The following KDM5B variants were observed in gnomAD, a reference collection of about 807,000 sequenced individuals.
KDM5B encodes the protein lysine-specific demethylase 5B.
Under a neutral mutation model 193.4 loss-of-function variants are expected in KDM5B, and 144 were observed. That is an observed-to-expected ratio of 0.74 (90% confidence interval 0.65 to 0.86). The LOEUF is 0.86. KDM5B is among the 40% of genes least tolerant of loss of function. The probability of loss-of-function intolerance (pLI) is 0.00; values close to 1 mark genes in which losing one functional copy is unlikely to be tolerated. For synonymous variants in KDM5B, 668 were observed against 682.6 expected, an observed-to-expected ratio of 0.98 and a Z score of 0.33; for missense variants, 1,833 against 1,886.9, an observed-to-expected ratio of 0.97 and a Z score of 0.53.
rs1206836359 is a variant in KDM5B at position 202,726,107 on chromosome 1, AC to A, written c.*2928del. The A allele has an allele frequency of 2.0e-5, 3 of 152,212 alleles. No individual in the cohort carries two copies. The highest frequency in any genetic ancestry group is 7.2e-5 in the African/African-American group (3 of 41,452). 9.4% of individuals were successfully genotyped at this position (152,212 alleles called of 1,614,324 possible). ...ATTCTTAGGCTAATCTTGCACTAAT[AC>A]CCAAAGGGCCATGTTGCTTTTGATG... On this transcript the variant is annotated 3_prime_UTR_variant, in exon 27 of 27. Coordinates refer to ENST00000367265, the MANE Select transcript of KDM5B (RefSeq NM_006618.5).
At chr1:202,796,256 T>A (rs899970054) in intron 1 of KDM5B, 1 of 409,860 alleles carries the variant, frequency 2.4e-6, no homozygotes, top group Admixed American at 2.8e-5. Context: ...TACAATGGTG[T>A]CCTGGAGCCT....
chr1:202,806,045 AGAGT>A (rs1486917168), intron 1 of KDM5B, among the ~76,000 whole-genome samples: 19 of 152,224 alleles, frequency 1.2e-4, no homozygotes, highest in African/African-American at 4.3e-4. Context: ...TCTGACATTC[AGAGT>A]GAGAAAAAGG....
At chr1:202,749,682 AAG>A (rs1485812441) in intron 13 of KDM5B, among the ~76,000 whole-genome samples, 3 of 152,136 alleles carry the variant, frequency 2.0e-5, no homozygotes, top group Non-Finnish European at 4.4e-5. Context: ...AAAAAAAAAA[AAG>A]ACCCAGCATA....
In KDM5B at chr1:202,748,997, A is replaced by T; in HGVS notation, c.1964T>A (p.Met655Lys). 1 of 1,614,022 alleles carries T rather than the reference A, an allele frequency of 6.2e-7. No homozygotes were observed. The highest frequency in any genetic ancestry group is 8.5e-7 in the Non-Finnish European group (1 of 1,179,986). The change falls in exon 14 of 27, where the codon ATG becomes AAG. Residue 655 changes from methionine (M) to lysine (K), a missense_variant. This residue lies in a region of KDM5B where 1,379 missense variants were observed against 1,349.6 expected (regional missense o/e 1.02). Transcript: ENST00000367265. The part of the protein sequence containing the change: ...VVVASTVQKD[M>K]AIMIEDEKAL... ...TTTCTCATCCTCAATCATAATGGCC[A>T]TGTCTTTCTGAACAGTTGAAGCCAC...
intron 5 of KDM5B, among the ~76,000 whole-genome samples, chr1:202,765,585 ATTAAT>A (rs566427499): frequency 3.7e-4 from 56 of 152,352 alleles, no homozygotes; most frequent in Non-Finnish European, 5.1e-4. Context: ...TGATTCATAG[ATTAAT>A]TTACTTTAAA....
In KDM5B at chr1:202,724,536, T is replaced by A. The variant is rs1402278779; in HGVS notation, c.*4500A>T. On this transcript the variant is annotated 3_prime_UTR_variant, in exon 27 of 27. Transcript: ENST00000367265. The stretch of plus-strand genomic sequence containing the variant: ...CTTTATGCATTTTAAAGAAGCTCAA[T>A]CAAGCTCACATCATAGATAATGCAT... The A allele has an allele frequency of 6.6e-6, 1 of 152,188 alleles. No individual in the cohort carries two copies. Among genetic ancestry groups the A allele is most frequent in the Non-Finnish European group, 1.5e-5 (1 of 68,024 alleles). 9.4% of individuals were successfully genotyped at this position (152,188 alleles called of 1,614,324 possible).
intron 4 of KDM5B, chr1:202,767,354 G>A: frequency 1.9e-6 from 3 of 1,580,394 alleles, no homozygotes; most frequent in South Asian, 2.2e-5. Context: ...TTCTTCCCAG[G>A]GCCCTCCTCA....
At chr1:202,747,392 C>G (rs1216830065) in intron 14 of KDM5B, among the ~76,000 whole-genome samples, 1 of 152,010 alleles carries the variant, frequency 6.6e-6, no homozygotes, top group East Asian at 1.9e-4. Flanking sequence ...TCTCAGAGTT[C>G]TAAAAATGAG....
At chr1:202,775,650 G>GT (rs1424993114) in intron 2 of KDM5B, among the ~76,000 whole-genome samples, 1 of 150,838 alleles carries the variant, frequency 6.6e-6, no homozygotes, top group African/African-American at 2.4e-5. Context: ...GAGGCCAGGA[G>GT]TTTGAGACCA....
In KDM5B at chr1:202,756,520, G is replaced by C; in HGVS notation, c.1198-4C>G. On this transcript the variant is annotated splice_polypyrimidine_tract_variant and splice_region_variant and intron_variant, in intron 9 of 26. Coordinates refer to ENST00000367265, the MANE Select transcript of KDM5B (RefSeq NM_006618.5). ...CAACAAGCTCTGTGGGGACCATCTGGAAATACAAGGAATAGAAAAAATGAG... is the reference window on the plus strand; with the variant it reads ...CAACAAGCTCTGTGGGGACCATCTGCAAATACAAGGAATAGAAAAAATGAG... 6.4e-7 allele frequency: 1 copy of C among 1,568,060 alleles called. No homozygotes were observed. The highest frequency in any genetic ancestry group is 8.6e-7 in the Non-Finnish European group (1 of 1,158,280).
chr1:202,790,054 G>A (rs113330222), intron 1 of KDM5B, among the ~76,000 whole-genome samples: 161 of 151,510 alleles, frequency 1.1e-3, no homozygotes, highest in African/African-American at 3.8e-3. Context: ...ACCTGAGGTT[G>A]AGGGTTCGAG....
At position 202,741,437 on chromosome 1, in the gene KDM5B, C is replaced by A. The variant is rs1352534337; in HGVS notation, c.2875G>T (p.Ala959Ser). The A allele has an allele frequency of 1.2e-6, 2 of 1,609,242 alleles. No homozygotes were observed. The highest frequency in any genetic ancestry group is 1.7e-6 in the Non-Finnish European group (2 of 1,176,838). The change falls in exon 19 of 27, where the codon GCC becomes TCC. Residue 959 changes from alanine (A) to serine (S), a missense_variant. Ala to Ser is a moderately conservative substitution (Grantham distance 99). This residue lies in a region of KDM5B where 1,379 missense variants were observed against 1,349.6 expected (regional missense o/e 1.02). Transcript: ENST00000367265. The stretch of plus-strand genomic sequence containing the variant: ...ACTGTGAGCAGTTCCTGCAGCCGGG[C>A]CATAGCTTTCTCCACTGCTGAATAC... The part of the protein sequence containing the change: ...APYSAVEKAM[A>S]RLQELLTVSE...
intron 13 of KDM5B, among the ~76,000 whole-genome samples, chr1:202,749,507 T>G (rs566374624): frequency 6.6e-6 from 1 of 152,050 alleles, no homozygotes; most frequent in Admixed American, 6.6e-5. Flanking sequence ...CAATGAGCCA[T>G]GATTGCACCA....
intron 22 of KDM5B, 29 bp from the exon 23 acceptor site, chr1:202,733,915 T>C (rs752378855): frequency 1.3e-5 from 21 of 1,579,114 alleles, no homozygotes; most frequent in Non-Finnish European, 1.7e-6. Flanking sequence ...TCAAGGATGA[T>C]GTCCGAGATG....
intron 5 of KDM5B, among the ~76,000 whole-genome samples, chr1:202,764,958 C>T (rs1245849381): frequency 6.6e-6 from 1 of 152,244 alleles, no homozygotes; most frequent in African/African-American, 2.4e-5. Context: ...GCCTGGGCAA[C>T]AAGAGCCAAT....
In KDM5B at chr1:202,774,723, C is replaced by T. The variant is rs1656865837; in HGVS notation, c.295G>A (p.Val99Ile). 3.1e-6 allele frequency: 5 copies of T among 1,613,448 alleles called. No homozygotes were observed. Among genetic ancestry groups the T allele is most frequent in the Middle Eastern group, 1.6e-4 (1 of 6,062 alleles). The change falls in exon 3 of 27, where the codon GTA becomes ATA. Residue 99 changes from valine (V) to isoleucine (I), a missense_variant. By Grantham distance (29) the Val-to-Ile change is conservative (BLOSUM62 3). Coordinates refer to ENST00000367265, the MANE Select transcript of KDM5B (RefSeq NM_006618.5). ...ATCTGGTCCAAGAAATTCAATTTTA[C>T]ACGAGTTTGGGCCTAAAAGACAAAG... ...RLNELEAQTRVKLNFLDQIAK... is the reference protein window; with the variant it reads ...RLNELEAQTRIKLNFLDQIAK...
intron 1 of KDM5B, among the ~76,000 whole-genome samples, chr1:202,805,032 C>G (rs1448798207): frequency 2.6e-5 from 4 of 152,126 alleles, no homozygotes; most frequent in Non-Finnish European, 4.4e-5. Flanking sequence ...AATAGTTACA[C>G]CCTTAAAATT....
At chr1:202,786,927 G>T (rs1657437396) in intron 1 of KDM5B, among the ~76,000 whole-genome samples, 1 of 152,010 alleles carries the variant, frequency 6.6e-6, no homozygotes, top group Non-Finnish European at 1.5e-5. Context: ...TGACCAACAT[G>T]GAGAAACCCC....
In KDM5B at chr1:202,808,284, G is replaced by A; in HGVS notation, c.22C>T (p.His8Tyr). 1 of 1,604,138 alleles carries A rather than the reference G, an allele frequency of 6.2e-7. No homozygotes were observed. MEAATTL[H>Y]PGPRPALPLG... ...GGCAGCGCCGGGCGCGGGCCTGGGT[G>A]CAGTGTGGTGGCCGCCTCCATCACC... Residue 8 changes from histidine (H) to tyrosine (Y), a missense_variant, in exon 1 of 27, where the codon CAC (histidine) becomes TAC (tyrosine). Coordinates refer to ENST00000367265, the MANE Select transcript of KDM5B (RefSeq NM_006618.5).
Sources: gnomAD v4.1 joint callset for allele counts (sites outside exome capture counted in the v4.1 genomes callset) on GRCh38, gnomAD v4.1.1 for gene constraint, gnomAD v4.1.1 regional missense constraint, MANE v1.5 for transcripts, NCBI Gene and HGNC (gene_info 2026-07-23, HGNC 2026-07-21) for gene names.